The following PCNT variants were observed in gnomAD, a reference collection of about 807,000 sequenced individuals.
The protein encoded by PCNT is pericentrin, also known as kendrin.
Under a neutral mutation model 380.4 loss-of-function variants are expected in PCNT, and 319 were observed. The observed-to-expected ratio is 0.84, with a 90% CI of 0.77 to 0.92. The LOEUF is 0.92. PCNT is among the 40% of genes least tolerant of loss of function. The pLI, the probability that PCNT is intolerant of heterozygous loss-of-function variation, is 0.00. For synonymous variants in PCNT, 1,845 were observed against 1,735.2 expected, an observed-to-expected ratio of 1.06 and a Z score of -1.57; for missense variants, 4,400 against 4,255.3, an observed-to-expected ratio of 1.03 and a Z score of -0.95.
chr21:46,384,506 A>G lies in PCNT; in HGVS notation c.3313-1326A>G, dbSNP rs1452984490. Among the ~76,000 whole-genome samples, 4 of 146,920 alleles carry G rather than the reference A, an allele frequency of 2.7e-5. 1 individual carries two copies. ...AGCGCATTCACGGTGTTGTACATTC[A>G]GTGACGGAAGAGCATTCACGGTGTT... On this transcript the variant is annotated intron_variant, in intron 16 of 46. Transcript: ENST00000359568.
intron 32 of PCNT, 37 bp downstream of exon 32, chr21:46,422,161 G>A (rs755244417): frequency 5.6e-6 from 9 of 1,610,796 alleles, no homozygotes; most frequent in Admixed American, 5.0e-5. Context: ...AGCTTCACAT[G>A]TGCAGCCTCG....
rs778072862 is a variant in PCNT, at chr21:46,411,944, T to G, written c.5871T>G (p.Ala1957=). ...LDRRQARRAT[A]HTRVPGAHPQ... is the part of the protein sequence containing the mutation. ...GGCGGCAGGCCCGCAGAGCCACAGC[T>G]CACACACGGGTGCCCGGGGCCCACC... The change falls in exon 28 of 47, where the codon GCT becomes GCG. Residue 1957 remains alanine, a synonymous_variant. Transcript: ENST00000359568. The G allele has an allele frequency of 7.5e-6, 12 of 1,596,598 alleles. No homozygotes were observed. Among genetic ancestry groups the G allele is most frequent in the Non-Finnish European group, 1.0e-5 (12 of 1,178,728 alleles).
chr21:46,346,926 G>A lies in PCNT; in HGVS notation c.904G>A (p.Glu302Lys), dbSNP rs186701249. 4.2e-4 allele frequency: 666 copies of A among 1,599,618 alleles called. 7 individuals carry two copies. In the East Asian group the frequency reaches 0.012, roughly 29 times the overall value. Residue 302 changes from glutamate to lysine, a missense_variant, in exon 5 of 47, where the codon GAG (glutamate) becomes AAG (lysine). Coordinates refer to ENST00000359568, the MANE Select transcript of PCNT (RefSeq NM_006031.6). ...LALLQSRQQH[E>K]LELLREQHAR... is the part of the protein sequence containing the mutation. ...CCTGCTACAGAGCAGGCAGCAGCACGAGCTGGAGCTCCTCAGGGAGCAGCA... is the reference window on the plus strand; with the variant it reads ...CCTGCTACAGAGCAGGCAGCAGCACAAGCTGGAGCTCCTCAGGGAGCAGCA...
chr21:46,400,943 G>A (rs1310928973), intron 25 of PCNT, among the ~76,000 whole-genome samples: 2 of 152,192 alleles, frequency 1.3e-5, no homozygotes, highest in Non-Finnish European at 2.9e-5. Context: ...CACTTGGAGC[G>A]GAGTTGTCCC....
rs1460445675 is a variant in PCNT, at chr21:46,363,736, C to G, written c.2411C>G (p.Ala804Gly). 6.2e-7 allele frequency: 1 copy of G among 1,614,250 alleles called. No individual in the cohort carries two copies. The highest frequency in any genetic ancestry group is 1.7e-5 in the Admixed American group (1 of 60,032). The change falls in exon 14 of 47, where the codon GCA (alanine) becomes GGA (glycine). Residue 804 changes from alanine (A) to glycine (G), a missense_variant. Ala to Gly is a moderately conservative substitution (Grantham distance 60). Coordinates refer to ENST00000359568, the MANE Select transcript of PCNT (RefSeq NM_006031.6). ...AEMRQLQDQQ[A>G]AQILDLERSL... The stretch of plus-strand genomic sequence containing the variant: ...ATGAGGCAGCTTCAGGACCAACAGG[C>G]AGCCCAGATCCTGGATCTGGAGAGG...
intron 29 of PCNT, among the ~76,000 whole-genome samples, chr21:46,413,785 G>A (rs1218579992): frequency 6.6e-6 from 1 of 152,128 alleles, no homozygotes; most frequent in East Asian, 1.9e-4. Context: ...AAAAAAAGCT[G>A]GCACTTCTTT....
At position 46,390,754 on chromosome 21, in the gene PCNT, C is replaced by T; in HGVS notation, c.3925C>T (p.His1309Tyr). ...GGAGACAGCACAGGTTGTCAGGAAG[C>T]ACCAGGAGCTGCTGGAGTGTTTGAA... The part of the protein sequence containing the change: ...NEETAQVVRK[H>Y]QELLECLKEE... Residue 1309 changes from histidine to tyrosine, a missense_variant, in exon 20 of 47, where the codon CAC becomes TAC. Coordinates refer to ENST00000359568, the MANE Select transcript of PCNT (RefSeq NM_006031.6). The T allele has an allele frequency of 1.2e-6, 2 of 1,613,516 alleles. No individual in the cohort carries two copies. Among genetic ancestry groups the T allele is most frequent in the Non-Finnish European group, 1.7e-6 (2 of 1,179,920 alleles).
Position 46,440,128 on chromosome 21 carries a change from A to T in PCNT, c.9319A>T (p.Ser3107Cys). The T allele has an allele frequency of 6.2e-7, 1 of 1,614,100 alleles. No individual in the cohort carries two copies. The change falls in exon 42 of 47, where the codon AGT (serine) becomes TGT (cysteine). Residue 3107 changes from serine to cysteine, a missense_variant. Transcript: ENST00000359568. ...AWKPDETAPQ[S>C]SLRRPDPGRL... ...GAAGCCAGACGAAACGGCTCCACAG[A>T]GTTCCCTGAGGCGCCCAGACCCCGG...
chr21:46,424,413 A>AC (rs937851356), intron 32 of PCNT, among the ~76,000 whole-genome samples: 1 of 151,146 alleles, frequency 6.6e-6, no homozygotes, highest in African/African-American at 2.4e-5. Context: ...TGTCTGTGGG[A>AC]CCCCCCAGGC....
intron 13 of PCNT, among the ~76,000 whole-genome samples, chr21:46,360,954 C>T (rs1338596430): frequency 6.6e-6 from 1 of 152,162 alleles, no homozygotes; most frequent in African/African-American, 2.4e-5. Flanking sequence ...TGAGATGCGT[C>T]TGGTGGTCAT....
chr21:46,387,556 C>T (rs1438284217), intron 17 of PCNT, among the ~76,000 whole-genome samples: 1 of 152,020 alleles, frequency 6.6e-6, no homozygotes, highest in Non-Finnish European at 1.5e-5. Flanking sequence ...CGCCCTGATG[C>T]CTGCAGGAGT....
intron 13 of PCNT, among the ~76,000 whole-genome samples, chr21:46,362,198 C>G (rs1027372643): frequency 6.6e-6 from 1 of 152,130 alleles, no homozygotes; most frequent in Non-Finnish European, 1.5e-5. Flanking sequence ...ATGTACAGAT[C>G]GGGGTCAGCC....
chr21:46,383,288 A>C (rs1306307303), intron 16 of PCNT, among the ~76,000 whole-genome samples: 1 of 145,686 alleles, frequency 6.9e-6, no homozygotes, highest in East Asian at 2.1e-4. Flanking sequence ...CTGTGCATTC[A>C]GCAGCGGAAG....
Position 46,326,558 on chromosome 21 carries a change from CT to C in PCNT, c.237del (p.Asp80MetfsTer173), listed in dbSNP as rs1569153459. On this transcript the variant is annotated frameshift_variant, in exon 2 of 47. Coordinates refer to ENST00000359568, the MANE Select transcript of PCNT (RefSeq NM_006031.6). LOFTEE classifies it high-confidence loss of function. The stretch of plus-strand genomic sequence containing the variant: ...AAAAGCACATCATGTGACGACACCC[CT>C]GATGGGGCAGGAGGGGCCTTTGCAG... The part of the protein sequence containing the change: ...ICKSTSCDDT[P>X]DGAGGAFAAQ... The C allele has an allele frequency of 6.2e-7, 1 of 1,614,132 alleles. No homozygotes were observed. The highest frequency in any genetic ancestry group is 1.7e-5 in the Admixed American group (1 of 60,010).
Position 46,346,199 on chromosome 21 carries a change from T to G in PCNT, c.711T>G (p.His237Gln), listed in dbSNP as rs34500739. The change falls in exon 4 of 47, where the codon CAT (histidine) becomes CAG (glutamine). Residue 237 changes from histidine to glutamine, a missense_variant. Physicochemically the swap from His to Gln is conservative, Grantham distance 24. Coordinates refer to ENST00000359568, the MANE Select transcript of PCNT (RefSeq NM_006031.6). ...GCCGTGAAGATGAGGCTGGCCTGCA[T>G]CAGAGTCAGGTGACCCGGCGGGGCC... ...ESGREDEAGL[H>Q]QSQAVHGLEL... 87,445 of 1,612,714 alleles carry G rather than the reference T, an allele frequency of 0.054. 2,673 individuals are homozygous for G. Among genetic ancestry groups the G allele is most frequent in the Non-Finnish European group, 0.06 (71,319 of 1,179,276 alleles).
chr21:46,436,100 T>C lies in PCNT; in HGVS notation c.8948T>C (p.Leu2983Pro). Reference sequence around the variant, plus strand: ...CTGGAGGCGATGAGGCAGCGGCTGCTCTCTGCCGCCCGGCTTCTCACCAGC... The same window carrying C: ...CTGGAGGCGATGAGGCAGCGGCTGCCCTCTGCCGCCCGGCTTCTCACCAGC... Reference protein sequence around the residue: ...RELEAMRQRLLSAARLLTSFT... With the variant: ...RELEAMRQRLPSAARLLTSFT... Residue 2983 changes from leucine (L) to proline (P), a missense_variant, in exon 39 of 47, where the codon CTC becomes CCC. Leu to Pro is a moderately conservative substitution (Grantham distance 98). Transcript: ENST00000359568. 6.2e-7 allele frequency: 1 copy of C among 1,611,398 alleles called. No homozygotes were observed. The highest frequency in any genetic ancestry group is 8.5e-7 in the Non-Finnish European group (1 of 1,179,848).
chr21:46,423,542 C>T (rs1316105317), intron 32 of PCNT, among the ~76,000 whole-genome samples: 6 of 151,064 alleles, frequency 4.0e-5, no homozygotes, highest in Non-Finnish European at 5.9e-5. Flanking sequence ...TTAGTGTTTC[C>T]TATGGAAAAC....
intron 7 of PCNT, 83 bp from the exon 8 acceptor site, chr21:46,349,601 T>C: frequency 2.1e-6 from 3 of 1,459,798 alleles, no homozygotes; most frequent in Non-Finnish European, 2.9e-6. Context: ...GGCAGCGCTC[T>C]GGGTGCACCA....
rs1188540238 is a variant in PCNT at position 46,363,072 on chromosome 21, G to A, written c.2155-408G>A. 3.9e-5 allele frequency among the ~76,000 whole-genome samples: 6 copies of A among 152,290 alleles called. No homozygotes were observed. The East Asian group carries it at 1.2e-3, about 29-fold the overall frequency. On this transcript the variant is annotated intron_variant, in intron 13 of 46. Coordinates refer to ENST00000359568, the MANE Select transcript of PCNT (RefSeq NM_006031.6). Reference sequence around the variant, plus strand: ...GCATCCGATCATGCTTGCTGCAGTGGCCCAGCGCTATCTGTGGGGCTGGCG... The same window carrying A: ...GCATCCGATCATGCTTGCTGCAGTGACCCAGCGCTATCTGTGGGGCTGGCG...
Sources: gnomAD v4.1 joint callset for allele counts (sites outside exome capture counted in the v4.1 genomes callset) on GRCh38, gnomAD v4.1.1 for gene constraint, MANE v1.5 for transcripts, NCBI Gene and HGNC (gene_info 2026-07-23, HGNC 2026-07-21) for gene names.